The following SLC25A42 variants were observed in gnomAD, a reference collection of about 807,000 sequenced individuals.
SLC25A42 encodes solute carrier family 25 member 42, also known as mitochondrial coenzyme A transporter SLC25A42.
A neutral mutation model predicts 34.7 loss-of-function variants in SLC25A42; 19 were observed. The ratio of observed to expected loss-of-function variants is 0.55; its 90% CI spans 0.38 to 0.80. The LOEUF (loss-of-function observed/expected upper bound fraction) is 0.80, where lower values mean the gene tolerates loss of function less well. Among genes scored for constraint, SLC25A42 ranks in the 30% least tolerant of loss-of-function variants. The pLI is 0.00. For synonymous variants in SLC25A42, 205 were observed against 191.2 expected (o/e 1.07, Z -0.59); for missense variants, 364 against 441.3 (o/e 0.82, Z 1.57).
intron 7 of SLC25A42, among the ~76,000 whole-genome samples, chr19:19,108,789 G>GT (rs901127069): frequency 5.3e-5 from 8 of 151,740 alleles, no homozygotes; most frequent in Non-Finnish European, 7.4e-5. Context: ...CAGATATTTT[G>GT]TTTTTTTTCT....
chr19:19,094,847 C>T (rs1296481503), intron 1 of SLC25A42, among the ~76,000 whole-genome samples: 2 of 152,074 alleles, frequency 1.3e-5, no homozygotes, highest in African/African-American at 2.4e-5. Context: ...TCCAGACCAG[C>T]CTGGGCAACA....
chr19:19,075,105 A>G (rs1395269558), intron 1 of SLC25A42, among the ~76,000 whole-genome samples: 1 of 151,988 alleles, frequency 6.6e-6, no homozygotes, highest in Non-Finnish European at 1.5e-5. Context: ...GTGAGCTATG[A>G]TTTTACCACT....
intron 2 of SLC25A42, among the ~76,000 whole-genome samples, chr19:19,097,659 C>T (rs2059772755): frequency 6.6e-6 from 1 of 152,204 alleles, no homozygotes; most frequent in African/African-American, 2.4e-5. Context: ...TGTCTCTTTT[C>T]TTTGGTTAAG....
At chr19:19,069,362 T>G (rs1389819889) in intron 1 of SLC25A42, among the ~76,000 whole-genome samples, 3 of 152,200 alleles carry the variant, frequency 2.0e-5, no homozygotes, top group Non-Finnish European at 4.4e-5. Context: ...AGGCCAACAC[T>G]TGGAGGCTTG....
intron 1 of SLC25A42, among the ~76,000 whole-genome samples, chr19:19,090,156 A>C (rs1423853985): frequency 1.3e-5 from 2 of 152,162 alleles, no homozygotes; most frequent in Non-Finnish European, 2.9e-5. Flanking sequence ...TGGGTTTTGA[A>C]GCAAAACCAG....
intron 2 of SLC25A42, among the ~76,000 whole-genome samples, chr19:19,098,175 G>A (rs1030047907): frequency 6.6e-6 from 1 of 152,186 alleles, no homozygotes; most frequent in Non-Finnish European, 1.5e-5. Flanking sequence ...CATTAGAGAG[G>A]AGCTGGAAGT....
Position 19,073,853 on chromosome 19 carries a change from C to A in SLC25A42, c.-35+9738C>A, listed in dbSNP as rs181341242. 1.1e-3 allele frequency among the ~76,000 whole-genome samples: 162 copies of A among 152,252 alleles called. 2 individuals are homozygous for A. Among genetic ancestry groups the A allele is most frequent in the African/African-American group, 3.8e-3 (156 of 41,556 alleles). On this transcript the variant is annotated intron_variant, in intron 1 of 7. Transcript: ENST00000318596. ...CCTCCCAAACTGCTGGGATTAAAGGCGTGAGCCACTGTGCCCAGCTAATTT... is the reference window on the plus strand; with the variant it reads ...CCTCCCAAACTGCTGGGATTAAAGGAGTGAGCCACTGTGCCCAGCTAATTT...
At chr19:19,098,624 C>A (rs151114267) in intron 2 of SLC25A42, among the ~76,000 whole-genome samples, 2 of 150,872 alleles carry the variant, frequency 1.3e-5, no homozygotes, top group African/African-American at 2.4e-5. Flanking sequence ...GGCTTTGTAA[C>A]GTTAAGAGCC....
intron 5 of SLC25A42, 145 bp downstream of exon 5, chr19:19,105,872 C>G (rs758371554): frequency 5.1e-5 from 36 of 704,216 alleles, no homozygotes; most frequent in Non-Finnish European, 7.8e-5. Flanking sequence ...TGGGAGACTC[C>G]TCACCCAGGC....
At chr19:19,106,626 A>C in intron 6 of SLC25A42, 1 of 331,602 alleles carries the variant, frequency 3.0e-6, no homozygotes, top group South Asian at 5.8e-5. Flanking sequence ...CTGGGCACAG[A>C]TGCAGTAAAA....
chr19:19,101,719 G>T (rs2059797261), intron 2 of SLC25A42, 62 bp from the exon 3 acceptor site: 2 of 1,472,452 alleles, frequency 1.4e-6, no homozygotes, highest in Non-Finnish European at 1.9e-6. Flanking sequence ...CACTTCTGGG[G>T]CAAGGTCCTC....
intron 7 of SLC25A42, among the ~76,000 whole-genome samples, chr19:19,108,889 G>A (rs1399461318): frequency 2.6e-5 from 4 of 152,068 alleles, no homozygotes; most frequent in African/African-American, 9.7e-5. Flanking sequence ...CTCCCAAAGT[G>A]CTGGGATTAA....
rs1281327003 is a variant in SLC25A42, at chr19:19,085,586, G to A, written c.-34-10505G>A. Among the ~76,000 whole-genome samples, 3 of 152,270 alleles carry A rather than the reference G, an allele frequency of 2.0e-5. No homozygotes were observed. In the East Asian group the frequency reaches 5.8e-4, roughly 29 times the overall value. On this transcript the variant is annotated intron_variant, in intron 1 of 7. Coordinates refer to ENST00000318596, the MANE Select transcript of SLC25A42 (RefSeq NM_178526.5). ...AGTAGAAATGGGCTTTCGCCATTTT[G>A]CTCAGGCTGGTCTTGAACTTCAGGT...
chr19:19,064,734 C>T (rs974792191), intron 1 of SLC25A42, among the ~76,000 whole-genome samples: 8 of 151,496 alleles, frequency 5.3e-5, no homozygotes, highest in Non-Finnish European at 5.9e-5. Context: ...CTCTCTCCCA[C>T]CTTGGGCTTT....
chr19:19,077,707 G>C (rs1285722789), intron 1 of SLC25A42, among the ~76,000 whole-genome samples: 1 of 152,146 alleles, frequency 6.6e-6, no homozygotes, highest in African/African-American at 2.4e-5. Flanking sequence ...GGCCAACATG[G>C]CGAAACCCCA....
intron 1 of SLC25A42, among the ~76,000 whole-genome samples, chr19:19,093,422 C>T (rs1039570002): frequency 1.3e-5 from 2 of 152,224 alleles, no homozygotes; most frequent in Non-Finnish European, 2.9e-5. Flanking sequence ...TGCTGTGCTG[C>T]ATTTGCCTCA....
At position 19,112,010 on chromosome 19, in the gene SLC25A42, C is replaced by G. The variant is rs1201691865; in HGVS notation, c.*1134C>G. 6.6e-6 allele frequency: 1 copy of G among 152,150 alleles called. No homozygotes were observed. Among genetic ancestry groups the G allele is most frequent in the Non-Finnish European group, 1.5e-5 (1 of 68,036 alleles). The allele number at this position is 152,150 out of a possible 1,614,324, so 9.4% of individuals were successfully genotyped here. A position where few individuals can be genotyped will look rare whatever the true frequency, so the allele number is the denominator to read the frequency against. On this transcript the variant is annotated 3_prime_UTR_variant, in exon 8 of 8. Coordinates refer to ENST00000318596, the MANE Select transcript of SLC25A42 (RefSeq NM_178526.5). This position sits in a 1 kb window ranked among gnomAD's most constrained non-coding sequence, Gnocchi z 4.3. ...AGCTAACTGGTCTCTCAGAGGAGTC[C>G]CCCAGGGCCCGCCAGCTATCACAGG...
intron 1 of SLC25A42, among the ~76,000 whole-genome samples, chr19:19,094,979 G>A (rs1421106579): frequency 1.3e-5 from 2 of 152,022 alleles, no homozygotes; most frequent in South Asian, 2.1e-4. Flanking sequence ...AGGATCACAC[G>A]AGGCCAGGAA....
chr19:19,084,163 G>A (rs2059694952), intron 1 of SLC25A42, among the ~76,000 whole-genome samples: 1 of 151,986 alleles, frequency 6.6e-6, no homozygotes. Context: ...ATACCTGCCT[G>A]CATCCCACCA....
Sources: gnomAD v4.1 joint callset for allele counts (sites outside exome capture counted in the v4.1 genomes callset) on GRCh38, gnomAD v4.1.1 for gene constraint, Gnocchi (gnomAD v3.1) non-coding constraint, MANE v1.5 for transcripts, NCBI Gene and HGNC (gene_info 2026-07-23, HGNC 2026-07-21) for gene names.